NIN: variants seen among roughly 807,000 people sequenced by gnomAD.
The protein encoded by NIN is ninein.
In NIN, 137 loss-of-function variants were observed where a neutral mutation model predicts 257.6. The observed-to-expected ratio is 0.53, with a 90% CI of 0.46 to 0.61. The LOEUF (loss-of-function observed/expected upper bound fraction) is 0.61, where lower values mean the gene tolerates loss of function less well. Ranked by LOEUF, NIN falls within the 20% of genes least tolerant of loss-of-function variation. The pLI, the probability that NIN is intolerant of heterozygous loss-of-function variation, is 0.00. For missense variants in NIN, 2,439 were observed against 2,501.2 expected, an observed-to-expected ratio of 0.98 and a Z score of 0.53; for synonymous variants, 918 against 919.8, an observed-to-expected ratio of 1.00 and a Z score of 0.04.
chr14:50,825,972 TGAAA>T (rs1382345066), intron 2 of NIN, among the ~76,000 whole-genome samples: 1 of 152,184 alleles, frequency 6.6e-6, no homozygotes, highest in Admixed American at 6.5e-5. Flanking sequence ...ATTTAGGGCA[TGAAA>T]GAAAGAAATT....
At chr14:50,804,075 T>C (rs2044216880) in intron 4 of NIN, among the ~76,000 whole-genome samples, 1 of 152,058 alleles carries the variant, frequency 6.6e-6, no homozygotes, top group South Asian at 2.1e-4. Flanking sequence ...TTTTGTATTG[T>C]TAGTAGAGAC....
At chr14:50,738,058 G>A (rs765409407) in intron 27 of NIN, 82 bp downstream of exon 27, 41 of 1,384,662 alleles carry the variant, frequency 3.0e-5, no homozygotes, top group Non-Finnish European at 4.0e-5. Context: ...CATTTCCTTA[G>A]AAGTACACCT....
chr14:50,765,843 G>T lies in NIN; in HGVS notation c.1635+464C>A, dbSNP rs375340058. On this transcript the variant is annotated intron_variant, in intron 14 of 30. Coordinates refer to ENST00000530997, the MANE Select transcript of NIN (RefSeq NM_020921.4). ...AATAATGTTAATAGCTAACATTTAT[G>T]TTTTTTTTTTTTAATTTTATTATAC... Among the ~76,000 whole-genome samples the T allele has an allele frequency of 4.4e-3, 649 of 146,994 alleles. 3 individuals carry two copies. The highest frequency in any genetic ancestry group is 0.013 in the African/African-American group (529 of 40,346).
chr14:50,783,871 T>G (rs116104134), intron 5 of NIN, among the ~76,000 whole-genome samples: 1 of 151,938 alleles, frequency 6.6e-6, no homozygotes, highest in Non-Finnish European at 1.5e-5. Flanking sequence ...CCCAGCACAG[T>G]GGAAGCCTGG....
intron 12 of NIN, among the ~76,000 whole-genome samples, chr14:50,768,230 C>T (rs1354685535): frequency 6.6e-6 from 1 of 151,850 alleles, no homozygotes; most frequent in African/African-American, 2.4e-5. Flanking sequence ...CACCCTCATA[C>T]AGCAATATAA....
intron 14 of NIN, among the ~76,000 whole-genome samples, chr14:50,765,859 T>C (rs1034606276): frequency 7.3e-6 from 1 of 136,674 alleles, no homozygotes; most frequent in African/African-American, 2.6e-5. Context: ...TTTTTTTAAT[T>C]TTATTATACT....
chr14:50,753,597 A>AT (rs2041894399), intron 20 of NIN, among the ~76,000 whole-genome samples: 2 of 152,158 alleles, frequency 1.3e-5, no homozygotes, highest in Non-Finnish European at 2.9e-5. Context: ...ACATGGTAGT[A>AT]TTTTGTATTT....
intron 30 of NIN, chr14:50,725,707 GCAAAGATTTACACTTTTAAATTGTGGA>G: frequency 3.4e-6 from 2 of 592,978 alleles, no homozygotes; most frequent in Non-Finnish European, 5.8e-6. Flanking sequence ...AATCATGTTA[GCAAAGATTTACACTTTTAAATTGTGGA>G]CAAACATGCC....
At chr14:50,726,938 T>TAA (rs2140320198) in intron 29 of NIN, among the ~76,000 whole-genome samples, 1 of 152,192 alleles carries the variant, frequency 6.6e-6, no homozygotes, top group East Asian at 1.9e-4. Flanking sequence ...GTTTAGATAC[T>TAA]AAGTAGTAAC....
chr14:50,731,266 A>G (rs2040681141), intron 28 of NIN, among the ~76,000 whole-genome samples: 1 of 152,176 alleles, frequency 6.6e-6, no homozygotes, highest in South Asian at 2.1e-4. Flanking sequence ...GCAGTGGCTC[A>G]TGCCTGTAAT....
intron 5 of NIN, among the ~76,000 whole-genome samples, chr14:50,786,634 T>TAAAAAAA (rs535160610): frequency 6.9e-6 from 1 of 144,320 alleles, no homozygotes; most frequent in Non-Finnish European, 1.5e-5. Context: ...GGAATTCCAT[T>TAAAAAAA]AAAAAAAAAA....
rs548884211 is a variant in NIN at position 50,758,776 on chromosome 14, C to G, written c.2400-146G>C. On this transcript the variant is annotated intron_variant, in intron 17 of 30. Transcript: ENST00000530997. Reference sequence around the variant, plus strand: ...GCTCTTAACTTACTCCTATGTGATTCATTTATACTGGAAAGGGATCTCATT... The same window carrying G: ...GCTCTTAACTTACTCCTATGTGATTGATTTATACTGGAAAGGGATCTCATT... 9 of 654,094 alleles carry G rather than the reference C, an allele frequency of 1.4e-5. 1 individual carries two copies. In the South Asian group the frequency reaches 2.4e-4, roughly 18 times the overall value. 40.5% of individuals were successfully genotyped at this position (654,094 alleles called of 1,614,324 possible).
At chr14:50,725,822 C>G (rs925753949) in intron 30 of NIN, 131 bp downstream of exon 30, 2 of 1,521,208 alleles carry the variant, frequency 1.3e-6, no homozygotes, top group African/African-American at 2.8e-5. Flanking sequence ...TAAGTTCTTA[C>G]AGACATTTAT....
intron 14 of NIN, among the ~76,000 whole-genome samples, chr14:50,765,922 A>G (rs1259661180): frequency 6.6e-6 from 1 of 151,288 alleles, no homozygotes; most frequent in East Asian, 1.9e-4. Context: ...ATATGTATAC[A>G]TGCGCCATGC....
Position 50,725,979 on chromosome 14 carries a change from C to T in NIN, c.6166G>A (p.Glu2056Lys), listed in dbSNP as rs1328652796. 6.2e-6 allele frequency: 10 copies of T among 1,614,124 alleles called. No homozygotes were observed. Among genetic ancestry groups the T allele is most frequent in the Non-Finnish European group, 8.5e-6 (10 of 1,179,986 alleles). Reference protein sequence around the residue: ...KLKLVKRLLQEKVNQLKEQLC... With the variant: ...KLKLVKRLLQKKVNQLKEQLC... ...TGTTCTTTGAGCTGATTCACTTTCT[C>T]TTGAAGAAGCCTTTTCACTAGTTTC... Residue 2056 changes from glutamate to lysine, a missense_variant, in exon 30 of 31, where the codon GAG becomes AAG. Transcript: ENST00000530997.
In NIN at chr14:50,766,944, G is replaced by C. The variant is rs528706643; in HGVS notation, c.1435-54C>G. 1.0e-4 allele frequency: 121 copies of C among 1,203,658 alleles called. No individual in the cohort carries two copies. The East Asian group carries it at 2.6e-3, about 26-fold the overall frequency. The allele number at this position is 1,203,658 out of a possible 1,614,324, so 74.6% of individuals were successfully genotyped here. On this transcript the variant is annotated intron_variant, in intron 12 of 30. Coordinates refer to ENST00000530997, the MANE Select transcript of NIN (RefSeq NM_020921.4). The stretch of plus-strand genomic sequence containing the variant: ...GTACAGATTAAGAAATTAGCAAACT[G>C]TGGTACTATTTTATATACAGCATAA...
chr14:50,764,457 G>T (rs902516003), intron 14 of NIN, among the ~76,000 whole-genome samples: 5 of 152,004 alleles, frequency 3.3e-5, no homozygotes, highest in Admixed American at 3.3e-4. Context: ...TTCCTAAAAC[G>T]GTTAAACATA....
At position 50,749,341 on chromosome 14, in the gene NIN, C is replaced by T. The variant is rs375947584; in HGVS notation, c.4951-1236G>A. ...TGGATTAAAGACTTAAATGTAAGACCCAAAACCATAACAACCCTAGAAGAA... is the reference window on the plus strand; with the variant it reads ...TGGATTAAAGACTTAAATGTAAGACTCAAAACCATAACAACCCTAGAAGAA... On this transcript the variant is annotated intron_variant, in intron 21 of 30. Coordinates refer to ENST00000530997, the MANE Select transcript of NIN (RefSeq NM_020921.4). Among the ~76,000 whole-genome samples the T allele has an allele frequency of 6.5e-4, 99 of 152,180 alleles. 2 individuals are homozygous for T. In the East Asian group the frequency reaches 0.016, roughly 25 times the overall value.
chr14:50,794,325 G>T, intron 4 of NIN: 1 of 162,764 alleles, frequency 6.1e-6, no homozygotes, highest in Non-Finnish European at 1.3e-5. Context: ...TTTATATCCA[G>T]CTTTAAAAAA....
Sources: gnomAD v4.1 joint callset for allele counts (sites outside exome capture counted in the v4.1 genomes callset) on GRCh38, gnomAD v4.1.1 for gene constraint, MANE v1.5 for transcripts, NCBI Gene and HGNC (gene_info 2026-07-23, HGNC 2026-07-21) for gene names.